The following TUSC3 variants were observed in gnomAD, a reference collection of about 807,000 sequenced individuals.
TUSC3 encodes the protein dolichyl-diphosphooligosaccharide--protein glycosyltransferase subunit TUSC3.
A neutral mutation model predicts 44.8 loss-of-function variants in TUSC3; 45 were observed. The ratio of observed to expected loss-of-function variants is 1.00; its 90% CI spans 0.79 to 1.29. The LOEUF (loss-of-function observed/expected upper bound fraction) is 1.29. Ranked by LOEUF, TUSC3 falls within the 50% of genes most tolerant of loss-of-function variation. The probability of loss-of-function intolerance (pLI) is 0.00; values close to 1 mark genes in which losing one functional copy is unlikely to be tolerated. For synonymous variants in TUSC3, 212 were observed against 152.9 expected (o/e 1.39, Z -2.85); for missense variants, 519 against 437.9 (o/e 1.19, Z -1.65).
intron 1 of TUSC3, among the ~76,000 whole-genome samples, chr8:15,551,459 G>C (rs28653122): frequency 0.2 from 29,909 of 151,584 alleles, 3,405 homozygotes; most frequent in South Asian, 0.26. Context: ...ATTTAATTGA[G>C]TTATATGATT....
At chr8:15,481,320 G>A (rs1800658057) in intron 1 of TUSC3, among the ~76,000 whole-genome samples, 1 of 151,746 alleles carries the variant, frequency 6.6e-6, no homozygotes, top group Non-Finnish European at 1.5e-5. Flanking sequence ...GTCATCAATG[G>A]ATTAATGCCA....
intron 1 of TUSC3, among the ~76,000 whole-genome samples, chr8:15,476,502 T>C (rs993005485): frequency 6.6e-6 from 1 of 152,246 alleles, no homozygotes; most frequent in African/African-American, 2.4e-5. Flanking sequence ...GGCTCACTTA[T>C]ATTTCTTAAA....
At chr8:15,519,805 A>C (rs545948697) in intron 2 of TUSC3, among the ~76,000 whole-genome samples, 1 of 152,334 alleles carries the variant, frequency 6.6e-6, no homozygotes, top group East Asian at 1.9e-4. Context: ...TATCAAAGGC[A>C]ACTAGGTGCC....
At chr8:15,570,769 A>G (rs1044042699) in intron 1 of TUSC3, among the ~76,000 whole-genome samples, 1 of 151,930 alleles carries the variant, frequency 6.6e-6, no homozygotes, top group Non-Finnish European at 1.5e-5. Flanking sequence ...AACTGACTTC[A>G]AAGCTGTTCT....
chr8:15,754,566 A>G (rs1229700300), intron 9 of TUSC3, among the ~76,000 whole-genome samples: 1 of 152,148 alleles, frequency 6.6e-6, no homozygotes, highest in African/African-American at 2.4e-5. Context: ...ACATTTGAAC[A>G]TAACACCTTC....
chr8:15,721,119 CT>C (rs1200427353), intron 6 of TUSC3, among the ~76,000 whole-genome samples: 1 of 151,952 alleles, frequency 6.6e-6, no homozygotes, highest in African/African-American at 2.4e-5. Flanking sequence ...ATAATAACAT[CT>C]TTTTTTATCT....
chr8:15,786,985 G>A, the TUSC3 span, among the ~76,000 whole-genome samples: 2 of 148,168 alleles, frequency 1.3e-5, no homozygotes, highest in Non-Finnish European at 3.0e-5. Context: ...GGCATAAGAT[G>A]AGATTTGAAG....
At chr8:15,813,650 T>C in the TUSC3 span, among the ~76,000 whole-genome samples, 3 of 152,234 alleles carry the variant, frequency 2.0e-5, no homozygotes, top group African/African-American at 4.8e-5. Flanking sequence ...TATATTAATC[T>C]ATAAAATATA....
At chr8:15,541,711 G>A (rs1801697696) in intron 1 of TUSC3, among the ~76,000 whole-genome samples, 1 of 152,058 alleles carries the variant, frequency 6.6e-6, no homozygotes, top group Non-Finnish European at 1.5e-5. Context: ...GAGAACCACT[G>A]TTAAACTGAA....
At chr8:15,468,407 G>C (rs1800442556) in intron 1 of TUSC3, among the ~76,000 whole-genome samples, 1 of 152,130 alleles carries the variant, frequency 6.6e-6, no homozygotes, top group Non-Finnish European at 1.5e-5. Flanking sequence ...CTTCATGATG[G>C]ACACATTCAA....
intron 7 of TUSC3, among the ~76,000 whole-genome samples, chr8:15,739,160 A>G (rs934318443): frequency 6.6e-6 from 1 of 151,896 alleles, no homozygotes; most frequent in African/African-American, 2.4e-5. Flanking sequence ...ATTTTTGTCA[A>G]TTTCATTTTA....
chr8:15,512,724 G>C (rs888411723), intron 2 of TUSC3, among the ~76,000 whole-genome samples: 1 of 151,650 alleles, frequency 6.6e-6, no homozygotes, highest in African/African-American at 2.4e-5. Flanking sequence ...AGTGAGCTGA[G>C]ATTGCAGCAC....
intron 1 of TUSC3, among the ~76,000 whole-genome samples, chr8:15,434,008 A>G (rs1321644560): frequency 4.6e-5 from 7 of 152,154 alleles, no homozygotes; most frequent in Non-Finnish European, 7.3e-5. Flanking sequence ...TATACTAAGT[A>G]TATATTTAAC....
chr8:15,704,196 A>G (rs924180201), intron 6 of TUSC3, among the ~76,000 whole-genome samples: 3 of 151,580 alleles, frequency 2.0e-5, no homozygotes, highest in Non-Finnish European at 2.9e-5. Context: ...AGTGATTTAT[A>G]TAGTATCGGA....
At chr8:15,668,013 G>C (rs1807750775) in intron 5 of TUSC3, among the ~76,000 whole-genome samples, 1 of 151,700 alleles carries the variant, frequency 6.6e-6, no homozygotes, top group African/African-American at 2.4e-5. Context: ...CTAGATGTGA[G>C]AAAGATAACA....
chr8:15,445,802 T>C (rs531711938), intron 1 of TUSC3, among the ~76,000 whole-genome samples: 7 of 152,240 alleles, frequency 4.6e-5, no homozygotes, highest in Non-Finnish European at 7.3e-5. Flanking sequence ...ACCATCGTCA[T>C]CATGGCCTGT....
chr8:15,715,553 G>C (rs979492708), intron 6 of TUSC3, among the ~76,000 whole-genome samples: 22 of 152,182 alleles, frequency 1.4e-4, no homozygotes, highest in African/African-American at 5.3e-4. Flanking sequence ...ACTCGGAACA[G>C]CCTGCAACTT....
intron 1 of TUSC3, among the ~76,000 whole-genome samples, chr8:15,482,112 T>C (rs1267421253): frequency 2.6e-5 from 4 of 152,324 alleles, no homozygotes; most frequent in African/African-American, 4.8e-5. Flanking sequence ...GAAATCACTT[T>C]CTTTGTTCAT....
In TUSC3 at chr8:15,554,362, A is replaced by C. The variant is rs777240781; in HGVS notation, c.138+13794A>C. 3.3e-5 allele frequency among the ~76,000 whole-genome samples: 5 copies of C among 151,870 alleles called. 1 individual carries two copies. Among genetic ancestry groups the C allele is most frequent in the Admixed American group, 1.3e-4 (2 of 15,204 alleles). On this transcript the variant is annotated intron_variant, in intron 1 of 10. Coordinates refer to ENST00000503731, the MANE Select transcript of TUSC3 (RefSeq NM_006765.4). The stretch of plus-strand genomic sequence containing the variant: ...AGGCAGAAGCTTGCAGCACCATTGC[A>C]TGCTTTGCTGTATTCTTTTTTCCTG...
Sources: allele counts gnomAD v4.1 joint callset (sites outside exome capture counted in the v4.1 genomes callset), GRCh38; gene constraint gnomAD v4.1.1; transcripts MANE v1.5; gene names NCBI Gene and HGNC (gene_info 2026-07-23, HGNC 2026-07-21).